Variants in NRXN1 observed in about 807,000 individuals in gnomAD.
The protein encoded by NRXN1 is neurexin 1, also known as neurexin-1.
NRXN1 carries 39 observed loss-of-function variants against 150.9 expected under a neutral mutation model. The observed-to-expected ratio is 0.26, with a 90% confidence interval of 0.20 to 0.34. The LOEUF is 0.34. Ranked by LOEUF, NRXN1 falls within the 10% of genes least tolerant of loss-of-function variation. The pLI is 1.00. For synonymous variants in NRXN1, 924 were observed against 757.0 expected (o/e 1.22, Z -3.62); for missense variants, 1,815 against 1,949.9 (o/e 0.93, Z 1.30).
chr2:50,990,692 C>T (rs534247641), intron 2 of NRXN1, among the ~76,000 whole-genome samples: 303 of 152,040 alleles, frequency 2.0e-3, no homozygotes, highest in African/African-American at 6.7e-3. Context: ...TCCTATTAAA[C>T]AGGAGTATGA....
intron 18 of NRXN1, among the ~76,000 whole-genome samples, chr2:50,219,964 T>A (rs61299914): frequency 0.45 from 37,174 of 83,376 alleles, 7,897 homozygotes; most frequent in African/African-American, 0.54. Flanking sequence ...ATATATATAT[T>A]ATATATATAT....
chr2:50,908,106 T>C (rs953819612), intron 5 of NRXN1, among the ~76,000 whole-genome samples: 1 of 152,060 alleles, frequency 6.6e-6, no homozygotes, highest in Non-Finnish European at 1.5e-5. Context: ...CCAAGCCTTA[T>C]TTATGTTTGT....
At chr2:50,652,227 C>G (rs1298021758) in intron 5 of NRXN1, among the ~76,000 whole-genome samples, 1 of 152,072 alleles carries the variant, frequency 6.6e-6, no homozygotes, top group African/African-American at 2.4e-5. Flanking sequence ...TCCTTTATAT[C>G]TTTTCTGAAG....
intron 19 of NRXN1, among the ~76,000 whole-genome samples, chr2:50,065,491 T>A (rs1695221312): frequency 6.6e-6 from 1 of 152,166 alleles, no homozygotes. Flanking sequence ...GTCTTCTAGA[T>A]TCTGGGGTGA....
chr2:50,379,465 C>G (rs10168557), intron 17 of NRXN1, among the ~76,000 whole-genome samples: 2 of 152,250 alleles, frequency 1.3e-5, no homozygotes, highest in Admixed American at 6.5e-5. Context: ...GAATCAGTCT[C>G]GCTTGCAGGT....
At chr2:50,186,178 C>G (rs1432009429) in intron 18 of NRXN1, among the ~76,000 whole-genome samples, 1 of 152,088 alleles carries the variant, frequency 6.6e-6, no homozygotes, top group Non-Finnish European at 1.5e-5. Context: ...GTGGCCATAA[C>G]TCTCACAAAG....
At position 50,942,611 on chromosome 2, in the gene NRXN1, T is replaced by A. The variant is rs118081067; in HGVS notation, c.773-16656A>T. On this transcript the variant is annotated intron_variant, in intron 2 of 22. Transcript: ENST00000401669. ...GAGCTTTAAGATTTAATAACTGCCC[T>A]GTTTGGTTTTAGATTTTCATGGGGC... Among the ~76,000 whole-genome samples, 56 of 152,326 alleles carry A rather than the reference T, an allele frequency of 3.7e-4. No homozygotes were observed. In the East Asian group the frequency reaches 8.9e-3, roughly 24 times the overall value.
chr2:50,841,371 T>C (rs778136516), intron 5 of NRXN1, among the ~76,000 whole-genome samples: 2 of 152,162 alleles, frequency 1.3e-5, no homozygotes, highest in African/African-American at 4.8e-5. Context: ...GAAGTCAAAG[T>C]AATTGCCACA....
At chr2:50,596,821 G>T (rs1675298831) in intron 8 of NRXN1, among the ~76,000 whole-genome samples, 2 of 147,284 alleles carry the variant, frequency 1.4e-5, no homozygotes, top group African/African-American at 5.0e-5. Context: ...TATTTGGATT[G>T]CTCCTCAGGT....
intron 5 of NRXN1, chr2:50,637,531 A>G (rs1683408883): frequency 6.6e-6 from 1 of 152,268 alleles, no homozygotes; most frequent in Non-Finnish European, 1.5e-5. Flanking sequence ...CACAGAATAG[A>G]AGGAATTGCT....
intron 18 of NRXN1, among the ~76,000 whole-genome samples, chr2:50,121,657 C>G (rs1703872611): frequency 6.6e-6 from 1 of 152,096 alleles, no homozygotes; most frequent in African/African-American, 2.4e-5. Context: ...AGTCTTTCAA[C>G]CAGGAGAACA....
intron 2 of NRXN1, among the ~76,000 whole-genome samples, chr2:50,992,523 G>A (rs1698691144): frequency 6.7e-6 from 1 of 150,126 alleles, no homozygotes. Flanking sequence ...CTTATAAAAA[G>A]CACAGTTCTT....
At chr2:50,160,230 G>T (rs988462899) in intron 18 of NRXN1, among the ~76,000 whole-genome samples, 2 of 151,992 alleles carry the variant, frequency 1.3e-5, no homozygotes, top group African/African-American at 4.8e-5. Flanking sequence ...TAGTATTGAT[G>T]AAATGACAAC....
rs552514861 is a variant in NRXN1, at chr2:50,790,462, A to C, written c.832+131407T>G. 5.7e-4 allele frequency among the ~76,000 whole-genome samples: 87 copies of C among 152,248 alleles called. 2 individuals carry two copies. In the South Asian group the frequency reaches 0.018, roughly 31 times the overall value. On this transcript the variant is annotated intron_variant, in intron 5 of 22. Coordinates refer to ENST00000401669, the MANE Select transcript of NRXN1 (RefSeq NM_001330078.2). ...CATAAACATAAATAAAATCAAAACCAAAAATAAAAGCAGCCAGGTGTGGTG... is the reference window on the plus strand; with the variant it reads ...CATAAACATAAATAAAATCAAAACCCAAAATAAAAGCAGCCAGGTGTGGTG...
intron 21 of NRXN1, among the ~76,000 whole-genome samples, chr2:50,048,084 C>T (rs560981804): frequency 6.6e-6 from 1 of 152,160 alleles, no homozygotes; most frequent in East Asian, 1.9e-4. Flanking sequence ...TACTCTAGTA[C>T]TTTTTCTTGC....
At chr2:50,252,531 T>C (rs1039750901) in intron 17 of NRXN1, among the ~76,000 whole-genome samples, 5 of 152,152 alleles carry the variant, frequency 3.3e-5, no homozygotes, top group East Asian at 1.9e-4. Flanking sequence ...AGTGCTGAGA[T>C]TACAGGTGTG....
chr2:49,944,520 A>C (rs12618646), intron 21 of NRXN1, among the ~76,000 whole-genome samples: 1 of 152,014 alleles, frequency 6.6e-6, no homozygotes, highest in Non-Finnish European at 1.5e-5. Flanking sequence ...TAGTTGCTTC[A>C]TTGCGCTTAC....
intron 17 of NRXN1, among the ~76,000 whole-genome samples, chr2:50,406,216 G>A (rs1174312552): frequency 2.6e-5 from 4 of 152,042 alleles, no homozygotes; most frequent in African/African-American, 9.7e-5. Context: ...CACCTATTGG[G>A]AGAAGACATG....
intron 2 of NRXN1, among the ~76,000 whole-genome samples, chr2:50,977,352 TTA>T (rs1211684816): frequency 6.6e-6 from 1 of 151,916 alleles, no homozygotes; most frequent in East Asian, 1.9e-4. Context: ...TGAGCATATT[TTA>T]TATGTGATAC....
Sources: gnomAD v4.1 joint callset for allele counts (sites outside exome capture counted in the v4.1 genomes callset) on GRCh38, gnomAD v4.1.1 for gene constraint, MANE v1.5 for transcripts, NCBI Gene and HGNC (gene_info 2026-07-23, HGNC 2026-07-21) for gene names.